Variants in PTPRD observed in about 807,000 individuals in gnomAD.
The protein encoded by PTPRD is protein tyrosine phosphatase receptor type D.
PTPRD carries 34 observed loss-of-function variants against 214.5 expected under a neutral mutation model. The observed-to-expected ratio is 0.16, with a 90% confidence interval of 0.12 to 0.21. PTPRD has a LOEUF of 0.21. Ranked by LOEUF, PTPRD falls within the 10% of genes least tolerant of loss-of-function variation. The pLI is 1.00. For missense variants in PTPRD, 2,545 were observed against 2,398.7 expected (o/e 1.06, Z -1.27); for synonymous variants, 1,128 against 845.7 (o/e 1.33, Z -5.79).
chr9:9,235,038 T>C (rs1569565052), intron 9 of PTPRD, among the ~76,000 whole-genome samples: 1 of 152,160 alleles, frequency 6.6e-6, no homozygotes, highest in South Asian at 2.1e-4. Flanking sequence ...GACTGGGTAA[T>C]TTATAAAGAA....
chr9:9,007,428 A>G (rs1440989422), intron 11 of PTPRD, among the ~76,000 whole-genome samples: 1 of 151,740 alleles, frequency 6.6e-6, no homozygotes. Context: ...GTGTTTTTGT[A>G]CAACTATACC....
At chr9:9,397,702 T>C (rs943825899) in intron 8 of PTPRD, among the ~76,000 whole-genome samples, 1 of 151,978 alleles carries the variant, frequency 6.6e-6, no homozygotes, top group African/African-American at 2.4e-5. Context: ...TATTCAAAAA[T>C]CTTTTTTATA....
At chr9:9,609,980 T>A (rs1001003676) in intron 7 of PTPRD, among the ~76,000 whole-genome samples, 1 of 152,228 alleles carries the variant, frequency 6.6e-6, no homozygotes, top group African/African-American at 2.4e-5. Context: ...CTTCTACTCA[T>A]GGCATATATT....
intron 2 of PTPRD, among the ~76,000 whole-genome samples, chr9:10,482,088 T>C (rs557901832): frequency 5.2e-4 from 79 of 152,198 alleles, no homozygotes; most frequent in African/African-American, 1.8e-3. Context: ...AAAACAAATG[T>C]TGGCCGGGCG....
chr9:9,437,760 G>C (rs532318389), intron 8 of PTPRD, among the ~76,000 whole-genome samples: 1 of 152,178 alleles, frequency 6.6e-6, no homozygotes, highest in African/African-American at 2.4e-5. Flanking sequence ...GAGATCTGCT[G>C]CTCTGGGTTC....
chr9:8,994,781 G>A (rs1443677898), intron 11 of PTPRD, among the ~76,000 whole-genome samples: 1 of 152,054 alleles, frequency 6.6e-6, no homozygotes, highest in Non-Finnish European at 1.5e-5. Context: ...ATTTGGAAAG[G>A]TAGCACAAGC....
chr9:9,517,797 A>T (rs2096873174), intron 8 of PTPRD, among the ~76,000 whole-genome samples: 1 of 152,074 alleles, frequency 6.6e-6, no homozygotes, highest in African/African-American at 2.4e-5. Context: ...TATGACCCTA[A>T]TTTTGAAAAT....
At chr9:8,828,046 A>G (rs2097210194) in intron 11 of PTPRD, among the ~76,000 whole-genome samples, 2 of 152,226 alleles carry the variant, frequency 1.3e-5, no homozygotes, top group African/African-American at 4.8e-5. Context: ...ATTATTTTAA[A>G]AAGGAAGTAA....
intron 10 of PTPRD, among the ~76,000 whole-genome samples, chr9:9,046,920 C>A (rs1327817193): frequency 1.3e-5 from 2 of 152,102 alleles, no homozygotes; most frequent in Non-Finnish European, 2.9e-5. Flanking sequence ...TTAGCTAGAG[C>A]AATCAGACAA....
intron 5 of PTPRD, among the ~76,000 whole-genome samples, chr9:9,926,952 T>A (rs1197250753): frequency 6.6e-6 from 1 of 152,202 alleles, no homozygotes; most frequent in East Asian, 1.9e-4. Flanking sequence ...ATTGTTGATT[T>A]GTAACCTTAA....
At chr9:8,664,149 C>A (rs1178397633) in intron 12 of PTPRD, among the ~76,000 whole-genome samples, 6 of 152,186 alleles carry the variant, frequency 3.9e-5, no homozygotes, top group Admixed American at 3.9e-4. Context: ...TCCAAACTTT[C>A]ACTAGAAACT....
chr9:10,477,471 T>C (rs1036393847), intron 2 of PTPRD, among the ~76,000 whole-genome samples: 7 of 151,984 alleles, frequency 4.6e-5, no homozygotes, highest in African/African-American at 1.7e-4. Context: ...CATTAAAAAG[T>C]CAGGAAACAA....
At chr9:10,057,056 A>T (rs866902370) in intron 3 of PTPRD, among the ~76,000 whole-genome samples, 10 of 152,294 alleles carry the variant, frequency 6.6e-5, no homozygotes, top group South Asian at 2.1e-4. Context: ...CCAAATTGCA[A>T]GTCAGCAAAG....
intron 7 of PTPRD, among the ~76,000 whole-genome samples, chr9:9,688,929 T>C (rs1280729821): frequency 6.6e-6 from 1 of 151,804 alleles, no homozygotes; most frequent in African/African-American, 2.4e-5. Context: ...AATGGCTAGC[T>C]AGGTAAACAG....
At chr9:8,657,739 A>C (rs1333079135) in intron 12 of PTPRD, among the ~76,000 whole-genome samples, 1 of 152,142 alleles carries the variant, frequency 6.6e-6, no homozygotes, top group Non-Finnish European at 1.5e-5. Flanking sequence ...TACTAAGGAA[A>C]GCATACATTT....
chr9:9,509,442 A>T (rs548164802), intron 8 of PTPRD, among the ~76,000 whole-genome samples: 20 of 151,528 alleles, frequency 1.3e-4, no homozygotes, highest in African/African-American at 4.8e-4. Flanking sequence ...AACTTACTAG[A>T]TCATCACAAC....
In PTPRD at chr9:10,426,168, T is replaced by C. The variant is rs572559926; in HGVS notation, c.-599-85151A>G. Among the ~76,000 whole-genome samples, 4 of 152,140 alleles carry C rather than the reference T, an allele frequency of 2.6e-5. No individual in the cohort carries two copies. In the South Asian group the frequency reaches 6.2e-4, roughly 24 times the overall value. The stretch of plus-strand genomic sequence containing the variant: ...TTGCATGTGAATATTGCTTTTCCTA[T>C]TTTAGCTTGGTGTTATTCCTAAAAT... On this transcript the variant is annotated intron_variant, in intron 2 of 45. Transcript: ENST00000381196.
intron 8 of PTPRD, among the ~76,000 whole-genome samples, chr9:9,428,540 G>A (rs566363236): frequency 5.3e-5 from 8 of 152,304 alleles, no homozygotes; most frequent in African/African-American, 1.9e-4. Context: ...ACTCAGCTCT[G>A]CACCAAGTGG....
chr9:9,928,197 A>G (rs144042043), intron 5 of PTPRD, among the ~76,000 whole-genome samples: 69 of 152,292 alleles, frequency 4.5e-4, no homozygotes, highest in Admixed American at 1.6e-3. Context: ...TGTTAGCTGC[A>G]GCTTAAATTT....
Sources: gnomAD v4.1 joint callset for allele counts (sites outside exome capture counted in the v4.1 genomes callset) on GRCh38, gnomAD v4.1.1 for gene constraint, MANE v1.5 for transcripts, NCBI Gene and HGNC (gene_info 2026-07-23, HGNC 2026-07-21) for gene names.